The following WWC2 variants were observed in gnomAD, a reference collection of about 807,000 sequenced individuals.
The protein encoded by WWC2 is WW and C2 domain containing 2, also known as protein WWC2.
WWC2 carries 101 observed loss-of-function variants against 138.5 expected under a neutral mutation model. That is an observed-to-expected ratio of 0.73 (90% CI 0.62 to 0.86). The LOEUF is 0.86. WWC2 is among the 40% of genes least tolerant of loss of function. The pLI is 0.00. For missense variants in WWC2, 1,420 were observed against 1,419.4 expected (o/e 1.00, Z -0.01); for synonymous variants, 558 against 538.4 (o/e 1.04, Z -0.50).
intron 21 of WWC2, among the ~76,000 whole-genome samples, chr4:183,295,011 G>A (rs1043943872): frequency 2.0e-5 from 3 of 152,076 alleles, no homozygotes; most frequent in African/African-American, 4.8e-5. Context: ...GATGTTTGAG[G>A]CACACATGTT....
intron 1 of WWC2, among the ~76,000 whole-genome samples, chr4:183,136,504 A>G (rs1733120083): frequency 6.6e-6 from 1 of 152,130 alleles, no homozygotes; most frequent in Non-Finnish European, 1.5e-5. Context: ...CATAGTACGC[A>G]TGCTTATTTT....
rs571835860 is a variant in WWC2, at chr4:183,265,921, A to G, written c.2177A>G (p.His726Arg). Reference protein sequence around the residue: ...MVIIAQLRNLHAFLIPHTSKV... With the variant: ...MVIIAQLRNLRAFLIPHTSKV... The stretch of plus-strand genomic sequence containing the variant: ...ATTATAGCACAGCTCCGAAACCTTC[A>G]TGCCTTCTTGATACCTCATACTTCA... The change falls in exon 14 of 23, where the codon CAT becomes CGT. Residue 726 changes from histidine (H) to arginine (R), a missense_variant. Transcript: ENST00000403733. The G allele has an allele frequency of 1.1e-5, 17 of 1,613,200 alleles. No homozygotes were observed. The highest frequency in any genetic ancestry group is 1.4e-5 in the Non-Finnish European group (16 of 1,179,658).
intron 18 of WWC2, among the ~76,000 whole-genome samples, chr4:183,283,286 A>C (rs1738141362): frequency 6.6e-6 from 1 of 152,234 alleles, no homozygotes; most frequent in African/African-American, 2.4e-5. Flanking sequence ...TAAACATTTA[A>C]AGTTCATTTT....
chr4:183,163,715 G>GT (rs1220719595), intron 1 of WWC2, among the ~76,000 whole-genome samples: 2 of 152,162 alleles, frequency 1.3e-5, no homozygotes, highest in East Asian at 3.9e-4. Flanking sequence ...TTGTGTTACT[G>GT]TATGTGGATG....
In WWC2 at chr4:183,318,424, C is replaced by T. The variant is rs1198900197; in HGVS notation, c.*2695C>T. 6.6e-6 allele frequency: 1 copy of T among 152,300 alleles called. No homozygotes were observed. Among genetic ancestry groups the T allele is most frequent in the Admixed American group, 6.6e-5 (1 of 15,258 alleles). The allele number at this position is 152,300 out of a possible 1,614,324, so 9.4% of individuals were successfully genotyped here. A position where few individuals can be genotyped will look rare whatever the true frequency, so the allele number is the denominator to read the frequency against. ...TCTTGTTTGTAAACGTATGCAAATA[C>T]ATCACATAGATTAACTGGTTTCTGC... On this transcript the variant is annotated 3_prime_UTR_variant, in exon 23 of 23. Coordinates refer to ENST00000403733, the MANE Select transcript of WWC2 (RefSeq NM_024949.6).
At chr4:183,103,995 T>A (rs1743272628) in intron 1 of WWC2, among the ~76,000 whole-genome samples, 1 of 151,832 alleles carries the variant, frequency 6.6e-6, no homozygotes, top group Non-Finnish European at 1.5e-5. Context: ...AGTCTCACAT[T>A]GTCGCCCAGG....
chr4:183,151,089 T>C (rs1733624233), intron 1 of WWC2, among the ~76,000 whole-genome samples: 1 of 152,206 alleles, frequency 6.6e-6, no homozygotes, highest in South Asian at 2.1e-4. Context: ...GTATTTCTAG[T>C]TCTAGATCCT....
intron 1 of WWC2, among the ~76,000 whole-genome samples, chr4:183,186,860 G>A (rs1346451979): frequency 6.6e-6 from 1 of 152,164 alleles, no homozygotes; most frequent in African/African-American, 2.4e-5. Context: ...AGGAGGACCA[G>A]ACCTAGGACC....
intron 19 of WWC2, among the ~76,000 whole-genome samples, chr4:183,284,976 C>G (rs1560886758): frequency 6.6e-6 from 1 of 152,042 alleles, no homozygotes; most frequent in Non-Finnish European, 1.5e-5. Context: ...TTTTTAAATT[C>G]TAAATTTATT....
chr4:183,214,270 A>G (rs1288169410), intron 4 of WWC2, among the ~76,000 whole-genome samples: 2 of 152,182 alleles, frequency 1.3e-5, no homozygotes, highest in Admixed American at 1.3e-4. Context: ...CTGCTCACAC[A>G]TTGTTAATAT....
intron 1 of WWC2, among the ~76,000 whole-genome samples, chr4:183,118,797 A>G (rs35901516): frequency 0.076 from 11,579 of 152,262 alleles, 823 homozygotes; most frequent in African/African-American, 0.19. Context: ...GGCTGCAGCC[A>G]AGTAGCCAAG....
chr4:183,282,756 G>A lies in WWC2; in HGVS notation c.2733G>A (p.Glu911=), dbSNP rs750672112. ...EASDEIVAEK[E]AEVKLPEDSS... is the part of the protein sequence containing the mutation. ...CTGATGAAATTGTGGCTGAAAAAGA[G>A]GCTGAAGTTAAATTGCCAGAGGACA... Residue 911 remains glutamate, a synonymous_variant, in exon 18 of 23, where the codon GAG becomes GAA. Coordinates refer to ENST00000403733, the MANE Select transcript of WWC2 (RefSeq NM_024949.6). 15 of 1,579,482 alleles carry A rather than the reference G, an allele frequency of 9.5e-6. No individual in the cohort carries two copies. The highest frequency in any genetic ancestry group is 1.0e-5 in the Non-Finnish European group (12 of 1,161,928).
chr4:183,309,646 G>A (rs1463902925), intron 21 of WWC2, among the ~76,000 whole-genome samples: 2 of 152,188 alleles, frequency 1.3e-5, no homozygotes, highest in Non-Finnish European at 2.9e-5. Context: ...AATCATACAG[G>A]CACTTTAGAA....
chr4:183,165,920 C>CA (rs1554068749), intron 1 of WWC2, among the ~76,000 whole-genome samples: 24 of 152,136 alleles, frequency 1.6e-4, no homozygotes, highest in Admixed American at 1.4e-3. Context: ...TTCCAGATGA[C>CA]AAAGTGTCTC....
intron 2 of WWC2, among the ~76,000 whole-genome samples, chr4:183,198,781 C>T (rs550446002): frequency 9.2e-4 from 75 of 81,198 alleles, no homozygotes; most frequent in African/African-American, 3.5e-3. Context: ...TATAAGACCT[C>T]GTCTCTTTAA....
At chr4:183,124,212 G>A (rs182972160) in intron 1 of WWC2, among the ~76,000 whole-genome samples, 7 of 152,244 alleles carry the variant, frequency 4.6e-5, no homozygotes, top group Non-Finnish European at 8.8e-5. Flanking sequence ...GTCTTCAGGG[G>A]TCAGTTTGGT....
chr4:183,219,882 T>G (rs959367292), intron 4 of WWC2, among the ~76,000 whole-genome samples: 4 of 152,164 alleles, frequency 2.6e-5, no homozygotes, highest in Non-Finnish European at 5.9e-5. Context: ...TGATTCATTA[T>G]TTAATATGGC....
At position 183,319,328 on chromosome 4, in the gene WWC2, C is replaced by T. The variant is rs570720606; in HGVS notation, c.*3599C>T. On this transcript the variant is annotated 3_prime_UTR_variant, in exon 23 of 23. Coordinates refer to ENST00000403733, the MANE Select transcript of WWC2 (RefSeq NM_024949.6). ...TCGCTATTTTAAAATTGAGAAAACTCATCCACAGTAATGGGTGTCATTACT... is the reference window on the plus strand; with the variant it reads ...TCGCTATTTTAAAATTGAGAAAACTTATCCACAGTAATGGGTGTCATTACT... 7.4e-5 allele frequency: 35 copies of T among 472,448 alleles called. No homozygotes were observed. The highest frequency in any genetic ancestry group is 4.6e-4 in the African/African-American group (24 of 51,922). 29.3% of individuals were successfully genotyped at this position (472,448 alleles called of 1,614,324 possible). A position where few individuals can be genotyped will look rare whatever the true frequency, so the allele number is the denominator to read the frequency against.
rs531221125 is a variant in WWC2, at chr4:183,270,134, G to A, written c.2401-946G>A. 3 of 152,278 alleles carry A rather than the reference G, an allele frequency of 2.0e-5. No individual in the cohort carries two copies. The South Asian group carries it at 6.2e-4, about 32-fold the overall frequency. 9.4% of individuals were successfully genotyped at this position (152,278 alleles called of 1,614,324 possible). Reference sequence around the variant, plus strand: ...TGTCTGACAATAAAGTTAGAAAGAAGCAGAGCTAACAGACTCGTTAGGCTA... The same window carrying A: ...TGTCTGACAATAAAGTTAGAAAGAAACAGAGCTAACAGACTCGTTAGGCTA... On this transcript the variant is annotated intron_variant, in intron 15 of 22. Coordinates refer to ENST00000403733, the MANE Select transcript of WWC2 (RefSeq NM_024949.6).
Sources: allele counts gnomAD v4.1 joint callset (sites outside exome capture counted in the v4.1 genomes callset), GRCh38; gene constraint gnomAD v4.1.1; transcripts MANE v1.5; gene names NCBI Gene and HGNC (gene_info 2026-07-23, HGNC 2026-07-21).